COG3: variants seen among roughly 807,000 people sequenced by gnomAD.
The protein encoded by COG3 is conserved oligomeric Golgi complex subunit 3.
In COG3, 32 loss-of-function variants were observed where a neutral mutation model predicts 114.1. The ratio of observed to expected loss-of-function variants is 0.28; its 90% confidence interval spans 0.21 to 0.38. The LOEUF (loss-of-function observed/expected upper bound fraction) is 0.38, where lower values mean the gene tolerates loss of function less well. Among genes scored for constraint, COG3 ranks in the 10% least tolerant of loss-of-function variants. The pLI is 1.00. For missense variants in COG3, 813 were observed against 973.2 expected (o/e 0.84, Z 2.19); for synonymous variants, 352 against 365.7 (o/e 0.96, Z 0.43).
At position 45,491,579 on chromosome 13, in the gene COG3, C is replaced by G. The variant is rs371320100; in HGVS notation, c.1095+41C>G. ...TTTTGGTTTAATGTTAAATCTTCCT[C>G]TTGAGTTATGTTGATATCCTAGAAA... On this transcript the variant is annotated intron_variant, in intron 10 of 22. Coordinates refer to ENST00000349995, the MANE Select transcript of COG3 (RefSeq NM_031431.4). The G allele has an allele frequency of 2.4e-5, 38 of 1,590,948 alleles. No homozygotes were observed. The African/African-American group carries it at 4.1e-4, about 17-fold the overall frequency.
chr13:45,491,491 A>T lies in COG3; in HGVS notation c.1048A>T (p.Thr350Ser). 1 of 1,613,624 alleles carries T rather than the reference A, an allele frequency of 6.2e-7. No individual in the cohort carries two copies. The highest frequency in any genetic ancestry group is 8.5e-7 in the Non-Finnish European group (1 of 1,179,716). Residue 350 changes from threonine (T) to serine (S), a missense_variant, in exon 10 of 23, where the codon ACT (threonine) becomes TCT (serine). This residue lies in a region of COG3 where 424 missense variants were observed against 430.6 expected (regional missense o/e 0.98). Transcript: ENST00000349995. ...ELLLGPSIAC[T>S]VAELTSQNNR... ...CCTTTTGGGCCCTAGTATTGCTTGC[A>T]CTGTTGCAGAGTTAACCAGCCAAAA...
At position 45,536,637 on chromosome 13, in the gene COG3, C is replaced by T. The variant is rs1873562937; in HGVS notation, c.*1906C>T. 1.3e-5 allele frequency: 2 copies of T among 152,148 alleles called. No individual in the cohort carries two copies. The highest frequency in any genetic ancestry group is 1.3e-4 in the Admixed American group (2 of 15,280). 9.4% of individuals were successfully genotyped at this position (152,148 alleles called of 1,614,324 possible). ...ATTTTTGCTTCCTACCTTGTCCTCACGTGTCTGATACGTGTGTGCATTCCT... is the reference window on the plus strand; with the variant it reads ...ATTTTTGCTTCCTACCTTGTCCTCATGTGTCTGATACGTGTGTGCATTCCT... On this transcript the variant is annotated 3_prime_UTR_variant, in exon 23 of 23. Transcript: ENST00000349995.
At chr13:45,507,032 G>T (rs2137871054) in intron 14 of COG3, among the ~76,000 whole-genome samples, 1 of 152,344 alleles carries the variant, frequency 6.6e-6, no homozygotes, top group South Asian at 2.1e-4. Context: ...TGGTCCCGGG[G>T]CCTGCTCTGC....
chr13:45,532,866 C>T (rs1360919306), intron 22 of COG3, among the ~76,000 whole-genome samples: 3 of 151,910 alleles, frequency 2.0e-5, no homozygotes, highest in Non-Finnish European at 2.9e-5. Context: ...CACATTTTTC[C>T]GTAGGGTAAC....
rs976419064 is a variant in COG3, at chr13:45,515,007, G to C, written c.1810-1136G>C. On this transcript the variant is annotated intron_variant, in intron 16 of 22. Coordinates refer to ENST00000349995, the MANE Select transcript of COG3 (RefSeq NM_031431.4). The stretch of plus-strand genomic sequence containing the variant: ...TGAAAATGGATTAATGTCTTAAACA[G>C]TTTTTTAAGGCAAGAAATTGTTCTT... Among the ~76,000 whole-genome samples the C allele has an allele frequency of 1.2e-4, 18 of 152,194 alleles. 1 individual carries two copies. The highest frequency in any genetic ancestry group is 6.2e-4 in the South Asian group (3 of 4,832).
chr13:45,477,460 C>T (rs1356580724), intron 2 of COG3, among the ~76,000 whole-genome samples: 1 of 151,966 alleles, frequency 6.6e-6, no homozygotes, highest in East Asian at 1.9e-4. Flanking sequence ...GTGTATATAC[C>T]TATGTATGTA....
chr13:45,519,234 G>A, intron 19 of COG3, 140 bp downstream of exon 19: 2 of 949,062 alleles, frequency 2.1e-6, no homozygotes, highest in East Asian at 2.6e-5. Context: ...AAATCACTGT[G>A]TTTCCTATTA....
In COG3 at chr13:45,493,384, G is replaced by A; in HGVS notation, c.1225G>A (p.Val409Ile). ...LEKLCVSLYD[V>I]FRPLIIHVIH... Reference sequence around the variant, plus strand: ...GAAACTGTGTGTGTCATTGTATGATGTCTTCAGGCCATTGATCATTCATGT... The same window carrying A: ...GAAACTGTGTGTGTCATTGTATGATATCTTCAGGCCATTGATCATTCATGT... Residue 409 changes from valine (V) to isoleucine (I), a missense_variant, in exon 12 of 23, where the codon GTC becomes ATC. Val to Ile is a conservative substitution (Grantham distance 29). Coordinates refer to ENST00000349995, the MANE Select transcript of COG3 (RefSeq NM_031431.4). 1.7e-5 allele frequency: 28 copies of A among 1,613,042 alleles called. No homozygotes were observed. The highest frequency in any genetic ancestry group is 2.2e-5 in the Non-Finnish European group (26 of 1,179,342).
rs538734108 is a variant in COG3, at chr13:45,494,492, TG to T, written c.1327+1007del. Among the ~76,000 whole-genome samples the T allele has an allele frequency of 1.5e-3, 229 of 152,274 alleles. 2 individuals are homozygous for T. The highest frequency in any genetic ancestry group is 5.3e-3 in the African/African-American group (222 of 41,550). ...ATTTTACTGCTTCTAAATTTTTTAT[TG>T]CTTCTGATTTTAAAATTCATATGGT... On this transcript the variant is annotated intron_variant, in intron 12 of 22. Transcript: ENST00000349995.
At chr13:45,468,911 C>T (rs1302379514) in intron 1 of COG3, among the ~76,000 whole-genome samples, 2 of 152,252 alleles carry the variant, frequency 1.3e-5, no homozygotes, top group Non-Finnish European at 2.9e-5. Flanking sequence ...GATACCACCA[C>T]ACCCCTTTTT....
chr13:45,487,714 G>C (rs10400625), intron 8 of COG3, among the ~76,000 whole-genome samples: 240 of 152,248 alleles, frequency 1.6e-3, no homozygotes, highest in African/African-American at 5.3e-3. Context: ...TAGAATGGCT[G>C]TTATCAAGAA....
intron 19 of COG3, among the ~76,000 whole-genome samples, chr13:45,520,137 A>G (rs1871963934): frequency 6.6e-6 from 1 of 152,002 alleles, no homozygotes; most frequent in South Asian, 2.1e-4. Context: ...AAAACGAACA[A>G]AATTAGCCAT....
rs868609305 is a variant in COG3, at chr13:45,495,486, C to G, written c.1328-666C>G. Among the ~76,000 whole-genome samples the G allele has an allele frequency of 1.2e-4, 18 of 152,032 alleles. No individual in the cohort carries two copies. The South Asian group carries it at 1.2e-3, about 11-fold the overall frequency. On this transcript the variant is annotated intron_variant, in intron 12 of 22. Coordinates refer to ENST00000349995, the MANE Select transcript of COG3 (RefSeq NM_031431.4). ...TCAACTTCCCGGGCTCAGGTGATTC[C>G]CAGCTCAGCCTCCCAAGTAGGTGAG...
At chr13:45,473,222 G>A (rs1885637773) in intron 1 of COG3, among the ~76,000 whole-genome samples, 1 of 152,118 alleles carries the variant, frequency 6.6e-6, no homozygotes, top group Non-Finnish European at 1.5e-5. Context: ...TGCCACAGGT[G>A]AGCCAGTGCT....
chr13:45,465,071 C>T lies in COG3; in HGVS notation c.35C>T (p.Ala12Val), dbSNP rs200180168. 1.0e-4 allele frequency: 165 copies of T among 1,598,254 alleles called. No homozygotes were observed. In the African/African-American group the frequency reaches 2.0e-3, roughly 20 times the overall value. ...GCGGCGCTGTTGCTGCTGCCTGAGGCGGCGGCGGAGCGGGACGCTAGGGAA... is the reference window on the plus strand; with the variant it reads ...GCGGCGCTGTTGCTGCTGCCTGAGGTGGCGGCGGAGCGGGACGCTAGGGAA... ...AEAALLLLPE[A>V]AAERDAREKL... Residue 12 changes from alanine (A) to valine (V), a missense_variant, in exon 1 of 23, where the codon GCG (alanine) becomes GTG (valine). Physicochemically the swap from Ala to Val is moderately conservative, Grantham distance 64 (BLOSUM62 0). Transcript: ENST00000349995.
In COG3 at chr13:45,518,792, C is replaced by T. The variant is rs759439665; in HGVS notation, c.1961C>T (p.Thr654Ile). 2 of 1,613,980 alleles carry T rather than the reference C, an allele frequency of 1.2e-6. No homozygotes were observed. Among genetic ancestry groups the T allele is most frequent in the Non-Finnish European group, 1.7e-6 (2 of 1,179,904 alleles). ...DAAFKILNPM[T>I]VPRFFRLNSN... The stretch of plus-strand genomic sequence containing the variant: ...GCATTTAAAATCCTGAACCCTATGA[C>T]TGTCCCAAGATTTTTTAGGCTGAAT... Residue 654 changes from threonine to isoleucine, a missense_variant, in exon 18 of 23, where the codon ACT (threonine) becomes ATT (isoleucine). Physicochemically the swap from Thr to Ile is moderately conservative, Grantham distance 89. This residue lies in a region of COG3 where 389 missense variants were observed against 542.6 expected (regional missense o/e 0.72). Coordinates refer to ENST00000349995, the MANE Select transcript of COG3 (RefSeq NM_031431.4).
At chr13:45,517,856 GAA>G (rs914599325) in intron 17 of COG3, among the ~76,000 whole-genome samples, 1 of 135,038 alleles carries the variant, frequency 7.4e-6, no homozygotes, top group African/African-American at 2.8e-5. Context: ...TGAGGTGAGA[GAA>G]AGTGAAATAT....
At chr13:45,477,464 G>C (rs183041581) in intron 2 of COG3, among the ~76,000 whole-genome samples, 1 of 152,180 alleles carries the variant, frequency 6.6e-6, no homozygotes, top group East Asian at 1.9e-4. Flanking sequence ...ATATACCTAT[G>C]TATGTAACTA....
intron 7 of COG3, among the ~76,000 whole-genome samples, chr13:45,483,915 C>T (rs1016286621): frequency 3.9e-5 from 6 of 152,020 alleles, no homozygotes; most frequent in African/African-American, 1.4e-4. Context: ...GGTCCCTGCC[C>T]TCATGGAGCT....
Sources: allele counts gnomAD v4.1 joint callset (sites outside exome capture counted in the v4.1 genomes callset), GRCh38; gene constraint gnomAD v4.1.1; regional missense constraint gnomAD v4.1.1; transcripts MANE v1.5; gene names NCBI Gene and HGNC (gene_info 2026-07-23, HGNC 2026-07-21).